GRID2: variants seen among roughly 807,000 people sequenced by gnomAD.
The protein encoded by GRID2 is glutamate ionotropic receptor delta type subunit 2, also known as glutamate receptor ionotropic, delta-2.
GRID2 carries 33 observed loss-of-function variants against 114.8 expected under a neutral mutation model. The observed-to-expected ratio is 0.29, with a 90% CI of 0.22 to 0.38. GRID2 has a LOEUF of 0.38. Among genes scored for constraint, GRID2 ranks in the 10% least tolerant of loss-of-function variants. The pLI is 1.00. For synonymous variants in GRID2, 505 were observed against 449.9 expected (o/e 1.12, Z -1.55); for missense variants, 1,184 against 1,257.7 (o/e 0.94, Z 0.89).
intron 1 of GRID2, among the ~76,000 whole-genome samples, chr4:92,521,041 T>C (rs1476383711): frequency 6.6e-6 from 1 of 151,930 alleles, no homozygotes; most frequent in Non-Finnish European, 1.5e-5. Flanking sequence ...AATAACAATT[T>C]CACTGTTTTC....
intron 12 of GRID2, among the ~76,000 whole-genome samples, chr4:93,502,923 A>G (rs540005960): frequency 6.6e-6 from 1 of 152,050 alleles, no homozygotes; most frequent in Admixed American, 6.6e-5. Flanking sequence ...TCTGAGAGGG[A>G]TGCTACAGAG....
chr4:92,662,385 G>T (rs1732562245), intron 2 of GRID2, among the ~76,000 whole-genome samples: 1 of 150,918 alleles, frequency 6.6e-6, no homozygotes, highest in African/African-American at 2.4e-5. Flanking sequence ...CAAATACTGA[G>T]CTATGTTATC....
intron 2 of GRID2, among the ~76,000 whole-genome samples, chr4:92,910,180 T>C (rs1578443111): frequency 6.6e-6 from 1 of 151,800 alleles, no homozygotes; most frequent in East Asian, 1.9e-4. Flanking sequence ...AGCAATAGGA[T>C]TTACCCTATA....
At chr4:93,427,337 A>G (rs1489996085) in intron 10 of GRID2, among the ~76,000 whole-genome samples, 1 of 152,004 alleles carries the variant, frequency 6.6e-6, no homozygotes, top group Non-Finnish European at 1.5e-5. Context: ...CAAGCTTATT[A>G]TTGTTATTAT....
At chr4:92,955,272 C>T (rs1382897861) in intron 2 of GRID2, among the ~76,000 whole-genome samples, 3 of 149,988 alleles carry the variant, frequency 2.0e-5, no homozygotes, top group South Asian at 2.1e-4. Flanking sequence ...TCCTCTCCAG[C>T]ACCTGTTGTT....
Position 93,072,951 on chromosome 4 carries a change from G to C in GRID2, c.245-12044G>C, listed in dbSNP as rs188865211. On this transcript the variant is annotated intron_variant, in intron 2 of 15. Coordinates refer to ENST00000282020, the MANE Select transcript of GRID2 (RefSeq NM_001510.4). ...TTATAACTGCATAAAATTAACTGTAGTACATATTGTACTACTGTGATAATT... is the reference window on the plus strand; with the variant it reads ...TTATAACTGCATAAAATTAACTGTACTACATATTGTACTACTGTGATAATT... Among the ~76,000 whole-genome samples the C allele has an allele frequency of 8.5e-5, 13 of 152,240 alleles. No homozygotes were observed. In the East Asian group the frequency reaches 2.3e-3, roughly 27 times the overall value.
intron 13 of GRID2, among the ~76,000 whole-genome samples, chr4:93,575,911 AT>A (rs1736378794): frequency 1.3e-5 from 2 of 152,130 alleles, no homozygotes; most frequent in South Asian, 4.1e-4. Flanking sequence ...ATTTTTGGGC[AT>A]TGGTGTTTTT....
intron 14 of GRID2, among the ~76,000 whole-genome samples, chr4:93,669,715 G>A (rs1724241218): frequency 1.3e-5 from 2 of 151,920 alleles, no homozygotes; most frequent in South Asian, 4.2e-4. Context: ...AGATGGATGG[G>A]GGAACTGCAC....
In GRID2 at chr4:93,284,639, T is replaced by A. The variant is rs147646219; in HGVS notation, c.1245+46149T>A. Among the ~76,000 whole-genome samples the A allele has an allele frequency of 6.3e-4, 96 of 151,978 alleles. 1 individual carries two copies. The East Asian group carries it at 0.017, about 27-fold the overall frequency. Reference sequence around the variant, plus strand: ...CACCTTGTTTGAAGATAGCATGAAATCTTGGAGTCTATAAATGTACATTAT... The same window carrying A: ...CACCTTGTTTGAAGATAGCATGAAAACTTGGAGTCTATAAATGTACATTAT... On this transcript the variant is annotated intron_variant, in intron 8 of 15. Transcript: ENST00000282020.
At chr4:92,536,129 C>A (rs1304792745) in intron 1 of GRID2, among the ~76,000 whole-genome samples, 1 of 152,198 alleles carries the variant, frequency 6.6e-6, no homozygotes, top group Non-Finnish European at 1.5e-5. Flanking sequence ...GCGCCGGTGG[C>A]CTGCTTTTAT....
chr4:93,101,990 C>T (rs1384444207), intron 3 of GRID2, among the ~76,000 whole-genome samples: 2 of 152,082 alleles, frequency 1.3e-5, no homozygotes, highest in Non-Finnish European at 2.9e-5. Flanking sequence ...AAACTGGAAG[C>T]ACCTCAAAGA....
intron 1 of GRID2, among the ~76,000 whole-genome samples, chr4:92,464,132 T>A (rs1401876495): frequency 6.6e-6 from 1 of 151,966 alleles, no homozygotes; most frequent in Non-Finnish European, 1.5e-5. Flanking sequence ...TCCTTCCTAT[T>A]CTATCATGTA....
chr4:93,081,731 ATTATT>A (rs1729887438), intron 2 of GRID2, among the ~76,000 whole-genome samples: 1 of 152,218 alleles, frequency 6.6e-6, no homozygotes, highest in African/African-American at 2.4e-5. Context: ...ATAGGTTTAG[ATTATT>A]TTAATTTAAA....
intron 2 of GRID2, among the ~76,000 whole-genome samples, chr4:93,049,510 T>TCC (rs200700807): frequency 6.7e-6 from 1 of 149,520 alleles, no homozygotes; most frequent in Non-Finnish European, 1.5e-5. Context: ...TCTGAAATTA[T>TCC]CCCCCCCCCA....
At chr4:92,613,156 C>T (rs1290735186) in intron 2 of GRID2, among the ~76,000 whole-genome samples, 1 of 151,252 alleles carries the variant, frequency 6.6e-6, no homozygotes, top group Admixed American at 6.6e-5. Flanking sequence ...TTTTGAAATA[C>T]TTTACTTGCT....
chr4:92,816,605 T>A (rs1331060657), intron 2 of GRID2, among the ~76,000 whole-genome samples: 1 of 152,074 alleles, frequency 6.6e-6, no homozygotes, highest in Non-Finnish European at 1.5e-5. Flanking sequence ...ATTACAAATA[T>A]CTTAAGTATT....
chr4:93,258,553 A>T (rs1314752753), intron 8 of GRID2, among the ~76,000 whole-genome samples: 1 of 151,820 alleles, frequency 6.6e-6, no homozygotes, highest in Non-Finnish European at 1.5e-5. Flanking sequence ...TGTTTTGAAA[A>T]AAAGACTCAG....
intron 13 of GRID2, among the ~76,000 whole-genome samples, chr4:93,598,967 T>C (rs527302374): frequency 1.3e-5 from 2 of 152,332 alleles, no homozygotes; most frequent in Middle Eastern, 3.4e-3. Context: ...TAAATAATGC[T>C]GTTAATGCTA....
chr4:93,665,578 A>G (rs895775959), intron 14 of GRID2, among the ~76,000 whole-genome samples: 2 of 152,168 alleles, frequency 1.3e-5, no homozygotes, highest in Non-Finnish European at 2.9e-5. Flanking sequence ...AAAATCTGCT[A>G]TTTTGTTTGT....
Sources: allele counts gnomAD v4.1 joint callset (sites outside exome capture counted in the v4.1 genomes callset), GRCh38; gene constraint gnomAD v4.1.1; transcripts MANE v1.5; gene names NCBI Gene and HGNC (gene_info 2026-07-23, HGNC 2026-07-21).